CAST: variants seen among roughly 807,000 people sequenced by gnomAD.
The protein encoded by CAST is MIR583 host.
In CAST, 76 loss-of-function variants were observed where a neutral mutation model predicts 119.6. The observed-to-expected ratio is 0.64, with a 90% CI of 0.53 to 0.77. The LOEUF is 0.77. CAST is among the 30% of genes least tolerant of loss of function. The pLI, the probability that CAST is intolerant of heterozygous loss-of-function variation, is 0.00. For synonymous variants in CAST, 319 were observed against 331.6 expected, an observed-to-expected ratio of 0.96 and a Z score of 0.41; for missense variants, 953 against 946.5, an observed-to-expected ratio of 1.01 and a Z score of -0.09.
rs28432918 is a variant in CAST at position 96,765,522 on chromosome 5, G to A, written c.2037+197G>A. Among the ~76,000 whole-genome samples, 35,563 of 151,740 alleles carry A rather than the reference G, an allele frequency of 0.23. 4,716 individuals carry two copies. The highest frequency in any genetic ancestry group is 0.32 in the Non-Finnish European group (21,540 of 67,834). On this transcript the variant is annotated intron_variant, in intron 26 of 31. Coordinates refer to ENST00000675179, the MANE Select transcript of CAST (RefSeq NM_001750.7). ...CTGAATCTGTGACAGAGATACCAGCGGAGCCTCCCTGAGGGGATTCTGGGA... is the reference window on the plus strand; with the variant it reads ...CTGAATCTGTGACAGAGATACCAGCAGAGCCTCCCTGAGGGGATTCTGGGA...
At chr5:96,006,251 T>C in the CAST span, among the ~76,000 whole-genome samples, 1 of 152,126 alleles carries the variant, frequency 6.6e-6, no homozygotes, top group South Asian at 2.1e-4. Context: ...GGCCACATCT[T>C]CAGAATGTAC....
the CAST span, among the ~76,000 whole-genome samples, chr5:96,033,230 TA>T: frequency 6.6e-6 from 1 of 152,068 alleles, no homozygotes; most frequent in African/African-American, 2.4e-5. Flanking sequence ...ATTAAGTTGT[TA>T]AAATGTCCAT....
intron 1 of CAST, among the ~76,000 whole-genome samples, chr5:96,565,827 C>T (rs1580827330): frequency 6.6e-6 from 1 of 152,184 alleles, no homozygotes; most frequent in Non-Finnish European, 1.5e-5. Flanking sequence ...CTCAAATCAA[C>T]CTAGAAATCC....
chr5:96,770,859 C>A (rs1214785939), intron 30 of CAST, among the ~76,000 whole-genome samples: 1 of 152,042 alleles, frequency 6.6e-6, no homozygotes, highest in Non-Finnish European at 1.5e-5. Flanking sequence ...GTCTTTCTTG[C>A]CCTAATTAAA....
chr5:96,396,577 AG>A, the CAST span, among the ~76,000 whole-genome samples: 2 of 151,214 alleles, frequency 1.3e-5, no homozygotes, highest in African/African-American at 4.9e-5. Context: ...AAAAAAAAAA[AG>A]TTATTTAGGC....
At chr5:96,595,243 A>G (rs1028957616) in intron 1 of CAST, among the ~76,000 whole-genome samples, 15 of 152,244 alleles carry the variant, frequency 9.9e-5, no homozygotes, top group Non-Finnish European at 1.2e-4. Context: ...ATCTAGGTAG[A>G]TAAAAACATG....
the CAST span, among the ~76,000 whole-genome samples, chr5:96,068,031 T>C: frequency 4.9e-4 from 75 of 152,218 alleles, no homozygotes; most frequent in Middle Eastern, 3.4e-3. Context: ...AGAGCATCTC[T>C]GGGAATAAAG....
At chr5:96,155,800 C>T in the CAST span, among the ~76,000 whole-genome samples, 1 of 152,150 alleles carries the variant, frequency 6.6e-6, no homozygotes, top group East Asian at 1.9e-4. Context: ...ATCCTTGCTC[C>T]TATGTGGTCT....
chr5:96,430,816 T>TATTTTG, the CAST span, among the ~76,000 whole-genome samples: 1 of 152,174 alleles, frequency 6.6e-6, no homozygotes, highest in East Asian at 1.9e-4. Context: ...TATAGATGGT[T>TATTTTG]TTCCCCCACT....
the CAST span, among the ~76,000 whole-genome samples, chr5:96,120,183 C>CT: frequency 6.6e-6 from 1 of 152,050 alleles, no homozygotes; most frequent in African/African-American, 2.4e-5. Flanking sequence ...GAGGGCAGTC[C>CT]TGAGGAACTG....
chr5:96,527,050 C>G (rs961880501), upstream of CAST, among the ~76,000 whole-genome samples: 1 of 152,050 alleles, frequency 6.6e-6, no homozygotes, highest in African/African-American at 2.4e-5. Flanking sequence ...GAGAAGCAGT[C>G]AATTATACAT....
At chr5:96,743,210 A>G (rs1484530643) in intron 16 of CAST, among the ~76,000 whole-genome samples, 1 of 152,192 alleles carries the variant, frequency 6.6e-6, no homozygotes, top group African/African-American at 2.4e-5. Flanking sequence ...AGCAACAATT[A>G]CCCTAACTAG....
At chr5:96,620,006 C>G (rs973771382) in intron 1 of CAST, among the ~76,000 whole-genome samples, 31 of 152,316 alleles carry the variant, frequency 2.0e-4, no homozygotes, top group Admixed American at 1.8e-3. Context: ...TTTCAGGGCT[C>G]TCATGAAAAT....
intron 2 of CAST, among the ~76,000 whole-genome samples, chr5:96,678,581 A>G (rs1347912704): frequency 6.6e-6 from 1 of 152,170 alleles, no homozygotes; most frequent in African/African-American, 2.4e-5. Flanking sequence ...GCGGTGGCTC[A>G]TGCCTGTAAT....
At chr5:96,038,373 T>C in the CAST span, among the ~76,000 whole-genome samples, 1 of 152,074 alleles carries the variant, frequency 6.6e-6, no homozygotes, top group Non-Finnish European at 1.5e-5. Flanking sequence ...CCATTCCTTT[T>C]TTTTAAAAAT....
the CAST span, among the ~76,000 whole-genome samples, chr5:96,239,623 G>A: frequency 3.3e-5 from 5 of 151,776 alleles, no homozygotes; most frequent in East Asian, 9.7e-4. Flanking sequence ...TTGTCCTAAC[G>A]TCTTTCAATT....
In CAST at chr5:96,773,678, TTGAA is replaced by T. The variant is rs1773252195; in HGVS notation, c.*1065_*1068del. The T allele has an allele frequency of 6.6e-6, 1 of 152,248 alleles. No individual in the cohort carries two copies. The highest frequency in any genetic ancestry group is 1.5e-5 in the Non-Finnish European group (1 of 68,014). 9.4% of individuals were successfully genotyped at this position (152,248 alleles called of 1,614,324 possible). ...AAGTAGGCTCTGATGTCCTACCACT[TTGAA>T]TGGTTTTCTAATATCTTAATGAATA... On this transcript the variant is annotated 3_prime_UTR_variant, in exon 32 of 32. Transcript: ENST00000675179.
At chr5:96,426,054 AC>A in the CAST span, 5 of 697,182 alleles carry the variant, frequency 7.2e-6, no homozygotes, top group Non-Finnish European at 1.3e-5. Context: ...TCATTTGACT[AC>A]AGATTAAACT....
the CAST span, among the ~76,000 whole-genome samples, chr5:96,061,021 TA>T: frequency 6.6e-6 from 1 of 152,024 alleles, no homozygotes; most frequent in Non-Finnish European, 1.5e-5. Flanking sequence ...TCTTTTCTTA[TA>T]AAGACACTAA....
Sources: gnomAD v4.1 joint callset for allele counts (sites outside exome capture counted in the v4.1 genomes callset) on GRCh38, gnomAD v4.1.1 for gene constraint, MANE v1.5 for transcripts, NCBI Gene and HGNC (gene_info 2026-07-23, HGNC 2026-07-21) for gene names.